Variants in RPS6KC1 observed in about 807,000 individuals in gnomAD.
RPS6KC1 encodes the protein inactive ribosomal protein S6 kinase delta-1.
A neutral mutation model predicts 103.8 loss-of-function variants in RPS6KC1; 54 were observed. The observed-to-expected ratio is 0.52, with a 90% CI of 0.42 to 0.65. The LOEUF (loss-of-function observed/expected upper bound fraction) is 0.65. Among genes scored for constraint, RPS6KC1 ranks in the 30% least tolerant of loss-of-function variants. RPS6KC1 has a pLI of 0.00. For missense variants in RPS6KC1, 1,151 were observed against 1,253.8 expected (o/e 0.92, Z 1.24); for synonymous variants, 439 against 438.7 (o/e 1.00, Z -0.01).
At chr1:213,513,573 C>G in the RPS6KC1 span, among the ~76,000 whole-genome samples, 1 of 152,128 alleles carries the variant, frequency 6.6e-6, no homozygotes, top group Non-Finnish European at 1.5e-5. Flanking sequence ...AGCTTTTACC[C>G]CAATCTAACC....
chr1:213,323,970 A>G, the RPS6KC1 span, among the ~76,000 whole-genome samples: 1 of 152,208 alleles, frequency 6.6e-6, no homozygotes, highest in Admixed American at 6.5e-5. Flanking sequence ...ATCATACAGA[A>G]TATTTCCATT....
the RPS6KC1 span, among the ~76,000 whole-genome samples, chr1:213,549,306 C>T: frequency 6.6e-6 from 1 of 152,082 alleles, no homozygotes; most frequent in African/African-American, 2.4e-5. Flanking sequence ...AGAAATCACT[C>T]CAGATGGACT....
In RPS6KC1 at chr1:213,106,771, A is replaced by G. The variant is rs2082539850; in HGVS notation, c.378+2202A>G. 2.6e-5 allele frequency among the ~76,000 whole-genome samples: 4 copies of G among 152,292 alleles called. No individual in the cohort carries two copies. In the South Asian group the frequency reaches 8.3e-4, roughly 32 times the overall value. ...GACCCATGGCCTGGTTTCAGAAATT[A>G]TCAGTATATTGCCAAACTTGTTTTA... On this transcript the variant is annotated intron_variant, in intron 4 of 14. Coordinates refer to ENST00000366960, the MANE Select transcript of RPS6KC1 (RefSeq NM_012424.6).
the RPS6KC1 span, among the ~76,000 whole-genome samples, chr1:213,720,231 C>T: frequency 0.19 from 28,162 of 152,156 alleles, 3,302 homozygotes; most frequent in South Asian, 0.28. Context: ...GATTCTTGGA[C>T]CTGAGCCAAA....
At chr1:213,690,317 C>A in the RPS6KC1 span, among the ~76,000 whole-genome samples, 1 of 152,136 alleles carries the variant, frequency 6.6e-6, no homozygotes, top group African/African-American at 2.4e-5. Flanking sequence ...TTCTACCTAG[C>A]GGGCCATTTT....
At chr1:213,608,345 C>CT in the RPS6KC1 span, among the ~76,000 whole-genome samples, 10 of 152,206 alleles carry the variant, frequency 6.6e-5, no homozygotes, top group Non-Finnish European at 8.8e-5. Context: ...ACCCGTGTTG[C>CT]TCCCCTGTGG....
At chr1:213,563,520 C>A in the RPS6KC1 span, among the ~76,000 whole-genome samples, 1 of 150,442 alleles carries the variant, frequency 6.6e-6, no homozygotes, top group Non-Finnish European at 1.5e-5. Context: ...AACTTTTTTT[C>A]TTTTACTCTT....
At chr1:213,051,901 T>C (rs1443025852) in intron 1 of RPS6KC1, among the ~76,000 whole-genome samples, 1 of 152,210 alleles carries the variant, frequency 6.6e-6, no homozygotes, top group African/African-American at 2.4e-5. Context: ...GCTTATGTAA[T>C]ATAAGTTGTT....
At chr1:213,645,410 G>A in the RPS6KC1 span, among the ~76,000 whole-genome samples, 1 of 152,070 alleles carries the variant, frequency 6.6e-6, no homozygotes, top group South Asian at 2.1e-4. Flanking sequence ...GCCCCACAGG[G>A]ATAACAACAC....
chr1:213,786,445 G>C, the RPS6KC1 span, among the ~76,000 whole-genome samples: 2 of 152,194 alleles, frequency 1.3e-5, no homozygotes, highest in African/African-American at 4.8e-5. Flanking sequence ...ATAGTACAGT[G>C]AGTAGATACC....
the RPS6KC1 span, among the ~76,000 whole-genome samples, chr1:213,750,470 G>T: frequency 6.6e-6 from 1 of 152,210 alleles, no homozygotes; most frequent in African/African-American, 2.4e-5. Context: ...AGGGACGTTG[G>T]GAGGTTATTG....
chr1:213,468,840 G>A, the RPS6KC1 span, among the ~76,000 whole-genome samples: 2 of 152,072 alleles, frequency 1.3e-5, no homozygotes, highest in African/African-American at 4.8e-5. Context: ...CTCACGATGT[G>A]CCAGCCCCAC....
chr1:213,704,731 T>C, the RPS6KC1 span, among the ~76,000 whole-genome samples: 1 of 152,252 alleles, frequency 6.6e-6, no homozygotes, highest in Non-Finnish European at 1.5e-5. Flanking sequence ...TATTTTATTC[T>C]TCTCAGTCTG....
the RPS6KC1 span, among the ~76,000 whole-genome samples, chr1:213,402,643 C>A: frequency 6.6e-6 from 1 of 152,072 alleles, no homozygotes; most frequent in African/African-American, 2.4e-5. Context: ...ATTTTTATAT[C>A]CCCAGCTCTT....
the RPS6KC1 span, among the ~76,000 whole-genome samples, chr1:213,761,488 A>C: frequency 2.6e-5 from 4 of 152,228 alleles, no homozygotes; most frequent in Non-Finnish European, 5.9e-5. Context: ...CCAATAATTT[A>C]AATAGGACTT....
intron 12 of RPS6KC1, 83 bp downstream of exon 12, chr1:213,242,741 T>G (rs555354084): frequency 1.9e-6 from 2 of 1,051,030 alleles, no homozygotes; most frequent in East Asian, 5.2e-5. Context: ...ATTTTTGTAT[T>G]GTTCACTAGC....
the RPS6KC1 span, among the ~76,000 whole-genome samples, chr1:213,745,573 G>C: frequency 1.3e-5 from 2 of 152,150 alleles, no homozygotes; most frequent in Non-Finnish European, 2.9e-5. Flanking sequence ...GATTGGGGTT[G>C]TATTACTGAT....
intron 6 of RPS6KC1, among the ~76,000 whole-genome samples, chr1:213,153,333 G>GGGCAGA (rs1221210264): frequency 2.6e-5 from 4 of 151,188 alleles, no homozygotes; most frequent in Admixed American, 6.6e-5. Flanking sequence ...GCAGGGGCAG[G>GGGCAGA]GGCAGAGGCA....
chr1:213,443,795 A>G, the RPS6KC1 span, among the ~76,000 whole-genome samples: 1 of 152,080 alleles, frequency 6.6e-6, no homozygotes, highest in Non-Finnish European at 1.5e-5. Context: ...GTGCATGCCT[A>G]TAGTCCCAGC....
Sources: gnomAD v4.1 joint callset for allele counts (sites outside exome capture counted in the v4.1 genomes callset) on GRCh38, gnomAD v4.1.1 for gene constraint, MANE v1.5 for transcripts, NCBI Gene and HGNC (gene_info 2026-07-23, HGNC 2026-07-21) for gene names.